Variants in NDUFAF6 observed in about 807,000 individuals in gnomAD.
NDUFAF6 encodes NADH dehydrogenase (ubiquinone) complex I, assembly factor 6.
In NDUFAF6, 45 loss-of-function variants were observed where a neutral mutation model predicts 40.8. The observed-to-expected ratio is 1.10, with a 90% CI of 0.87 to 1.42. NDUFAF6 has a LOEUF of 1.42. Among genes scored for constraint, NDUFAF6 ranks in the 40% most tolerant of loss-of-function variants. NDUFAF6 has a pLI of 0.00. For synonymous variants in NDUFAF6, 185 were observed against 155.9 expected (o/e 1.19, Z -1.39); for missense variants, 435 against 418.5 (o/e 1.04, Z -0.34).
chr8:94,922,759 A>T (rs553780651), intron 1 of NDUFAF6, among the ~76,000 whole-genome samples: 6 of 152,318 alleles, frequency 3.9e-5, no homozygotes, highest in African/African-American at 1.4e-4. Flanking sequence ...GACTACAGGC[A>T]TGTGCCACTG....
intron 2 of NDUFAF6, among the ~76,000 whole-genome samples, chr8:94,993,894 A>T (rs1212262329): frequency 1.3e-5 from 2 of 152,220 alleles, no homozygotes; most frequent in African/African-American, 2.4e-5. Context: ...CTATCAACAC[A>T]TTAAGTTTCA....
At chr8:95,113,838 T>G (rs1810064428) in intron 4 of NDUFAF6, among the ~76,000 whole-genome samples, 1 of 152,064 alleles carries the variant, frequency 6.6e-6, no homozygotes, top group African/African-American at 2.4e-5. Context: ...AGAGAGAGAC[T>G]CCGTCTCAAA....
At chr8:94,966,894 A>G (rs1824054251) in intron 1 of NDUFAF6, among the ~76,000 whole-genome samples, 1 of 152,056 alleles carries the variant, frequency 6.6e-6, no homozygotes, top group South Asian at 2.1e-4. Flanking sequence ...TTTCCAGGAG[A>G]CTCACTACAT....
chr8:95,070,701 A>G (rs1563852216), intron 9 of NDUFAF6, among the ~76,000 whole-genome samples: 2 of 152,258 alleles, frequency 1.3e-5, no homozygotes, highest in East Asian at 3.8e-4. Context: ...GGCAGATAAT[A>G]TATACTAAAA....
At chr8:95,035,357 C>G in intron 2 of NDUFAF6, 97 bp from the exon 3 acceptor site, 5 of 1,288,402 alleles carry the variant, frequency 3.9e-6, no homozygotes, top group Non-Finnish European at 5.6e-6. Flanking sequence ...AGTCATAATA[C>G]AGAACAGTTA....
At chr8:95,083,646 C>T (rs1400910782) in intron 2 of NDUFAF6, among the ~76,000 whole-genome samples, 2 of 152,012 alleles carry the variant, frequency 1.3e-5, no homozygotes, top group South Asian at 2.1e-4. Context: ...TATTTAAAAC[C>T]TTATGATGCA....
chr8:95,018,809 C>T (rs1391436373), intron 2 of NDUFAF6, among the ~76,000 whole-genome samples: 2 of 152,170 alleles, frequency 1.3e-5, no homozygotes, highest in African/African-American at 4.8e-5. Context: ...CTTTAGGCTC[C>T]TAACCACTTC....
intron 1 of NDUFAF6, among the ~76,000 whole-genome samples, chr8:95,026,407 G>C (rs898037579): frequency 6.6e-6 from 1 of 152,184 alleles, no homozygotes; most frequent in Admixed American, 6.5e-5. Context: ...GGTGGAGGTT[G>C]CAGTGAACCA....
At chr8:94,968,071 A>G (rs1824163914) in intron 1 of NDUFAF6, among the ~76,000 whole-genome samples, 1 of 152,296 alleles carries the variant, frequency 6.6e-6, no homozygotes, top group Non-Finnish European at 1.5e-5. Context: ...TACTGGCCAG[A>G]GATGTCAGCT....
intron 1 of NDUFAF6, among the ~76,000 whole-genome samples, chr8:94,909,382 A>AAC (rs1563700299): frequency 1.7e-5 from 1 of 58,078 alleles, no homozygotes; most frequent in Non-Finnish European, 3.6e-5. Context: ...AAAAAAAAAA[A>AAC]CACTTCGGGA....
chr8:94,951,862 A>G lies in NDUFAF6; in HGVS notation c.-798-6133A>G, dbSNP rs538108065. On this transcript the variant is annotated intron_variant, in intron 2 of 14. Coordinates refer to the NDUFAF6 transcript ENST00000396113. ...TGCAGTGAAACTCAGGAGTAATGTC[A>G]TCTCCATAGCGTAGAGCTGTCTGAA... Among the ~76,000 whole-genome samples the G allele has an allele frequency of 2.0e-5, 3 of 152,316 alleles. 1 individual carries two copies. The South Asian group carries it at 6.2e-4, about 32-fold the overall frequency.
intron 2 of NDUFAF6, among the ~76,000 whole-genome samples, chr8:95,007,315 A>AT (rs1370854271): frequency 6.6e-6 from 1 of 151,860 alleles, no homozygotes; most frequent in African/African-American, 2.4e-5. Flanking sequence ...CCAAAAAAAA[A>AT]AAATTACAGC....
intron 5 of NDUFAF6, among the ~76,000 whole-genome samples, chr8:95,116,056 T>C (rs545995180): frequency 1.3e-5 from 2 of 152,000 alleles, no homozygotes; most frequent in South Asian, 4.2e-4. Context: ...AAGAATCGCT[T>C]GAACCGGGGA....
At chr8:94,973,872 A>G (rs1380286218) in intron 1 of NDUFAF6, among the ~76,000 whole-genome samples, 1 of 147,330 alleles carries the variant, frequency 6.8e-6, no homozygotes, top group Non-Finnish European at 1.5e-5. Flanking sequence ...AAAAAAAAAA[A>G]GGCCCTCCCC....
At chr8:94,910,548 C>T (rs994301508) in intron 1 of NDUFAF6, among the ~76,000 whole-genome samples, 1 of 152,178 alleles carries the variant, frequency 6.6e-6, no homozygotes. Context: ...CCTAGCCCTA[C>T]TGAGAGTTCA....
intron 2 of NDUFAF6, among the ~76,000 whole-genome samples, chr8:94,946,125 A>G (rs973432016): frequency 2.0e-5 from 3 of 151,506 alleles, no homozygotes; most frequent in Non-Finnish European, 4.4e-5. Context: ...TTTCTTCTAC[A>G]CATAAGGCTT....
At chr8:95,032,135 T>G (rs1034150025) in intron 2 of NDUFAF6, 41 bp downstream of exon 2, 1 of 1,500,616 alleles carries the variant, frequency 6.7e-7, no homozygotes, top group African/African-American at 1.4e-5. Context: ...TGCGAAATGG[T>G]GATATAAGGT....
At chr8:95,097,526 T>A (rs1412522002), upstream of NDUFAF6, among the ~76,000 whole-genome samples, 1 of 152,076 alleles carries the variant, frequency 6.6e-6, no homozygotes, top group African/African-American at 2.4e-5. Context: ...GGTGAAACCC[T>A]GTCTCTACTA....
At chr8:95,022,938 A>C (rs1827750704), upstream of NDUFAF6, among the ~76,000 whole-genome samples, 4 of 152,306 alleles carry the variant, frequency 2.6e-5, no homozygotes, top group South Asian at 8.3e-4. Context: ...AGAGCACCCA[A>C]GATGAAATAT....
Sources: allele counts gnomAD v4.1 joint callset (sites outside exome capture counted in the v4.1 genomes callset), GRCh38; gene constraint gnomAD v4.1.1; transcripts MANE v1.5; gene names NCBI Gene and HGNC (gene_info 2026-07-23, HGNC 2026-07-21).